The following ACSS2 variants were observed in gnomAD, a reference collection of about 807,000 sequenced individuals.
The protein encoded by ACSS2 is acetyl-coenzyme A synthetase, cytoplasmic.
In ACSS2, 58 loss-of-function variants were observed where a neutral mutation model predicts 90.6. The observed-to-expected ratio is 0.64, with a 90% CI of 0.52 to 0.80. ACSS2 has a LOEUF of 0.80. Ranked by LOEUF, ACSS2 falls within the 30% of genes least tolerant of loss-of-function variation. The probability of loss-of-function intolerance (pLI) is 0.00; values close to 1 mark genes in which losing one functional copy is unlikely to be tolerated. For synonymous variants in ACSS2, 300 were observed against 330.9 expected (o/e 0.91, Z 1.01); for missense variants, 759 against 912.0 (o/e 0.83, Z 2.16).
At chr20:34,912,755 T>A (rs1343365172) in intron 2 of ACSS2, among the ~76,000 whole-genome samples, 1 of 152,224 alleles carries the variant, frequency 6.6e-6, no homozygotes, top group African/African-American at 2.4e-5. Context: ...AATGCAGTCT[T>A]GATGCCTCAT....
At chr20:34,877,297 G>C (rs2079940171) in intron 1 of ACSS2, among the ~76,000 whole-genome samples, 1 of 152,182 alleles carries the variant, frequency 6.6e-6, no homozygotes. Context: ...CCTGTGAACT[G>C]TTGAGGGCAA....
chr20:34,908,357 C>T (rs1601341550), intron 2 of ACSS2, among the ~76,000 whole-genome samples: 1 of 152,172 alleles, frequency 6.6e-6, no homozygotes, highest in Non-Finnish European at 1.5e-5. Context: ...TCACTGAAAT[C>T]TAGCCATACT....
intron 13 of ACSS2, 129 bp from the exon 14 acceptor site, chr20:34,923,194 G>A (rs1600360838): frequency 1.2e-5 from 8 of 687,970 alleles, no homozygotes; most frequent in East Asian, 2.7e-5. Context: ...GGGATTCCAA[G>A]CCAGGATCCT....
intron 2 of ACSS2, among the ~76,000 whole-genome samples, chr20:34,907,403 C>T (rs1376721192): frequency 2.6e-5 from 4 of 152,240 alleles, no homozygotes; most frequent in African/African-American, 9.6e-5. Flanking sequence ...ATGTGTGGCA[C>T]CTGGCAAAAC....
chr20:34,876,254 G>A (rs944381455), upstream of ACSS2, among the ~76,000 whole-genome samples: 6 of 151,738 alleles, frequency 4.0e-5, no homozygotes, highest in African/African-American at 1.5e-4. Flanking sequence ...AACCAGCCGG[G>A]TTACTCCCCA....
At chr20:34,926,844 C>T (rs1444980462) in intron 16 of ACSS2, 33 bp from the exon 17 acceptor site, 4 of 1,611,584 alleles carry the variant, frequency 2.5e-6, no homozygotes, top group Middle Eastern at 1.7e-4. Context: ...GCTAAGGGTG[C>T]TGAAGAAATG....
In ACSS2 at chr20:34,913,084, G is replaced by A. The variant is rs755227682; in HGVS notation, c.375-12G>A. ...ATACCCCTAATCACTGGTTCTTTCT[G>A]GTATGTCTCAGGGAGGGCAATGAGC... On this transcript the variant is annotated splice_polypyrimidine_tract_variant and intron_variant, in intron 2 of 17. Transcript: ENST00000360596. The A allele has an allele frequency of 1.2e-6, 2 of 1,606,394 alleles. No homozygotes were observed. Among genetic ancestry groups the A allele is most frequent in the African/African-American group, 2.7e-5 (2 of 74,702 alleles).
At chr20:34,884,044 C>G (rs2059585126) in intron 2 of ACSS2, among the ~76,000 whole-genome samples, 1 of 152,178 alleles carries the variant, frequency 6.6e-6, no homozygotes, top group Non-Finnish European at 1.5e-5. Flanking sequence ...CTCCCCTGCT[C>G]AAGCAATCCT....
At chr20:34,913,059 A>T (rs369979403) in intron 2 of ACSS2, 37 bp from the exon 3 acceptor site, 4 of 1,497,402 alleles carry the variant, frequency 2.7e-6, no homozygotes, top group African/African-American at 1.4e-5. Flanking sequence ...GGAAGAAGTT[A>T]TACCCCTAAT....
intron 2 of ACSS2, among the ~76,000 whole-genome samples, chr20:34,894,208 T>C (rs1305266870): frequency 1.3e-5 from 2 of 152,092 alleles, no homozygotes; most frequent in Non-Finnish European, 2.9e-5. Context: ...TTAGAGAATC[T>C]GCCAGGCACA....
At chr20:34,917,708 A>G (rs2081103683) in intron 7 of ACSS2, among the ~76,000 whole-genome samples, 1 of 152,168 alleles carries the variant, frequency 6.6e-6, no homozygotes, top group Non-Finnish European at 1.5e-5. Flanking sequence ...AACAGTTCCT[A>G]TCATCACACT....
intron 2 of ACSS2, chr20:34,908,580 A>C (rs13038710): frequency 0.024 from 4,084 of 168,126 alleles, 75 homozygotes; most frequent in Non-Finnish European, 0.036. Flanking sequence ...TGCACACATC[A>C]GCCAGGCACG....
upstream of ACSS2, chr20:34,876,512 G>C: frequency 1.3e-5 from 10 of 794,334 alleles, no homozygotes; most frequent in Non-Finnish European, 1.7e-5. Flanking sequence ...CCGCCCACCC[G>C]CCAGACTAAG....
intron 2 of ACSS2, among the ~76,000 whole-genome samples, chr20:34,898,793 G>C (rs6120756): frequency 6.6e-6 from 1 of 151,862 alleles, no homozygotes; most frequent in Non-Finnish European, 1.5e-5. Context: ...GTCCTGCGCC[G>C]TGTGCCTGCA....
At chr20:34,896,834 A>G (rs2080473606) in intron 2 of ACSS2, among the ~76,000 whole-genome samples, 1 of 152,216 alleles carries the variant, frequency 6.6e-6, no homozygotes, top group Non-Finnish European at 1.5e-5. Flanking sequence ...ACTTGAGGTC[A>G]AGAGCCTGGC....
At chr20:34,879,342 T>A (rs1369287770) in intron 1 of ACSS2, among the ~76,000 whole-genome samples, 1 of 152,124 alleles carries the variant, frequency 6.6e-6, no homozygotes, top group Admixed American at 6.6e-5. Flanking sequence ...TATTCCCACC[T>A]TCTTGCCTTT....
chr20:34,902,130 C>A (rs2080676773), intron 2 of ACSS2, among the ~76,000 whole-genome samples: 1 of 152,042 alleles, frequency 6.6e-6, no homozygotes, highest in African/African-American at 2.4e-5. Context: ...TAGATTCATG[C>A]ATTCATTCAG....
intron 12 of ACSS2, 53 bp downstream of exon 12, chr20:34,921,653 G>A (rs748692479): frequency 5.9e-5 from 95 of 1,613,586 alleles, no homozygotes; most frequent in African/African-American, 2.1e-4. Flanking sequence ...GGTGTCTTGG[G>A]GCACTTGGCC....
chr20:34,886,575 G>A (rs562980755), intron 2 of ACSS2, among the ~76,000 whole-genome samples: 2 of 152,132 alleles, frequency 1.3e-5, no homozygotes, highest in African/African-American at 4.8e-5. Flanking sequence ...AGTGAGCCAA[G>A]ATCACACCAC....
Sources: allele counts gnomAD v4.1 joint callset (sites outside exome capture counted in the v4.1 genomes callset), GRCh38; gene constraint gnomAD v4.1.1; transcripts MANE v1.5; gene names NCBI Gene and HGNC (gene_info 2026-07-23, HGNC 2026-07-21).